The following DZIP1 variants were observed in gnomAD, a reference collection of about 807,000 sequenced individuals.
DZIP1 encodes the protein DAZ interacting zinc finger protein 1.
In DZIP1, 97 loss-of-function variants were observed where a neutral mutation model predicts 107.6. That is an observed-to-expected ratio of 0.90 (90% confidence interval 0.77 to 1.07). The LOEUF (loss-of-function observed/expected upper bound fraction) is 1.07, where lower values mean the gene tolerates loss of function less well. Ranked by LOEUF, DZIP1 falls within the 50% of genes least tolerant of loss-of-function variation. The pLI, the probability that DZIP1 is intolerant of heterozygous loss-of-function variation, is 0.00. For missense variants in DZIP1, 1,035 were observed against 1,063.6 expected, an observed-to-expected ratio of 0.97 and a Z score of 0.37; for synonymous variants, 390 against 386.4, an observed-to-expected ratio of 1.01 and a Z score of -0.11.
chr13:95,596,604 G>A (rs1369054705), intron 15 of DZIP1, among the ~76,000 whole-genome samples: 1 of 152,116 alleles, frequency 6.6e-6, no homozygotes, highest in African/African-American at 2.4e-5. Flanking sequence ...AGAAAACCTG[G>A]ATGTTGTCAC....
At chr13:95,600,131 GC>G (rs769928196) in intron 14 of DZIP1, among the ~76,000 whole-genome samples, 15 of 152,162 alleles carry the variant, frequency 9.9e-5, no homozygotes, top group Non-Finnish European at 1.8e-4. Context: ...AAGGAAGCCT[GC>G]CAGCAGCAGG....
intron 5 of DZIP1, among the ~76,000 whole-genome samples, chr13:95,635,351 C>T (rs1210190817): frequency 6.6e-6 from 1 of 152,034 alleles, no homozygotes; most frequent in Non-Finnish European, 1.5e-5. Context: ...TGCCCGCCAC[C>T]ACTCCCAGCT....
intron 9 of DZIP1, among the ~76,000 whole-genome samples, chr13:95,621,013 C>T (rs116227327): frequency 0.013 from 1,978 of 152,284 alleles, 45 homozygotes; most frequent in African/African-American, 0.045. Context: ...CTGCTCTGCA[C>T]GGGAGGCGAG....
At chr13:95,616,379 G>A (rs1875070109) in intron 10 of DZIP1, among the ~76,000 whole-genome samples, 1 of 152,148 alleles carries the variant, frequency 6.6e-6, no homozygotes, top group Non-Finnish European at 1.5e-5. Flanking sequence ...AAGGCTGAAT[G>A]ATGCCCTAGC....
At position 95,611,939 on chromosome 13, in the gene DZIP1, C is replaced by T. The variant is rs2045021067; in HGVS notation, c.1314+98G>A. 6 of 1,475,582 alleles carry T rather than the reference C, an allele frequency of 4.1e-6. No homozygotes were observed. The East Asian group carries it at 1.4e-4, about 34-fold the overall frequency. The allele number at this position is 1,475,582 out of a possible 1,614,324, so 91.4% of individuals were successfully genotyped here. A position where few individuals can be genotyped will look rare whatever the true frequency, so the allele number is the denominator to read the frequency against. On this transcript the variant is annotated intron_variant, in intron 11 of 22. Transcript: ENST00000376829. Reference sequence around the variant, plus strand: ...GGGGAAAAATATTCCATCTTCCTCACCTTATACCACTTACAAATGCTCTAA... The same window carrying T: ...GGGGAAAAATATTCCATCTTCCTCATCTTATACCACTTACAAATGCTCTAA...
intron 7 of DZIP1, among the ~76,000 whole-genome samples, chr13:95,627,424 A>G (rs1280472223): frequency 6.6e-6 from 1 of 152,254 alleles, no homozygotes; most frequent in Non-Finnish European, 1.5e-5. Context: ...TAAATAACTC[A>G]TACAGCTCAA....
At chr13:95,590,509 A>T in intron 16 of DZIP1, 68 bp from the exon 17 acceptor site, 1 of 1,462,864 alleles carries the variant, frequency 6.8e-7, no homozygotes. Context: ...ATATATCAGC[A>T]TTAACTGTGC....
Position 95,582,266 on chromosome 13 carries a change from C to T in DZIP1, c.2572G>A (p.Val858Met). 1 of 1,614,154 alleles carries T rather than the reference C, an allele frequency of 6.2e-7. No individual in the cohort carries two copies. The highest frequency in any genetic ancestry group is 8.5e-7 in the Non-Finnish European group (1 of 1,179,990). ...TCTGAAGTGTCGCTCCAATCAGTCA[C>T]AGTTACTAAGCTGCTTTTTAATGTG... ...SSTLKSSLVT[V>M]TDWSDTSDV is the part of the protein sequence containing the mutation. Residue 858 changes from valine to methionine, a missense_variant, in exon 23 of 23, where the codon GTG becomes ATG. By Grantham distance (21) the Val-to-Met change is conservative. Coordinates refer to ENST00000376829, the MANE Select transcript of DZIP1 (RefSeq NM_198968.4).
At chr13:95,592,919 C>G (rs1362971192) in intron 16 of DZIP1, among the ~76,000 whole-genome samples, 1 of 152,132 alleles carries the variant, frequency 6.6e-6, no homozygotes, top group Non-Finnish European at 1.5e-5. Flanking sequence ...ACAAGCAAAA[C>G]TAAGTCAGAA....
Position 95,591,057 on chromosome 13 carries a change from C to T in DZIP1, c.1681-616G>A, listed in dbSNP as rs867846545. On this transcript the variant is annotated intron_variant, in intron 16 of 22. Transcript: ENST00000376829. ...TTTTTTTTTTTTCCTGAGACAGAGTCTCGCCCTGTTGCCCAGGCTGGAGTG... is the reference window on the plus strand; with the variant it reads ...TTTTTTTTTTTTCCTGAGACAGAGTTTCGCCCTGTTGCCCAGGCTGGAGTG... Among the ~76,000 whole-genome samples, 6 of 142,574 alleles carry T rather than the reference C, an allele frequency of 4.2e-5. No individual in the cohort carries two copies. The East Asian group carries it at 6.2e-4, about 15-fold the overall frequency. 93.5% of individuals were successfully genotyped at this position (142,574 alleles called of 152,430 possible).
chr13:95,641,665 T>G lies in DZIP1; in HGVS notation c.227A>C (p.Asp76Ala). The G allele has an allele frequency of 1.2e-6, 2 of 1,607,326 alleles. No homozygotes were observed. The highest frequency in any genetic ancestry group is 1.7e-6 in the Non-Finnish European group (2 of 1,179,964). Reference protein sequence around the residue: ...SVDWRRLSAIDVDKVAGAVDV... With the variant: ...SVDWRRLSAIAVDKVAGAVDV... ...CACAGCCCCCGCCACCTTGTCCACG[T>G]CGATGGCGCTCAGCCGCCGCCAGTC... The change falls in exon 5 of 23, where the codon GAC becomes GCC. Residue 76 changes from aspartate (D) to alanine (A), a missense_variant. Transcript: ENST00000376829. The surrounding 1 kb of genome is among the most constrained non-coding windows in gnomAD (Gnocchi z 4.3).
intron 10 of DZIP1, among the ~76,000 whole-genome samples, chr13:95,617,207 A>C (rs80162930): frequency 0.051 from 4,219 of 82,882 alleles, 169 homozygotes; most frequent in African/African-American, 0.12. Context: ...GTCTCACCCC[A>C]AAAAAAAAAG....
intron 16 of DZIP1, among the ~76,000 whole-genome samples, chr13:95,592,945 A>G (rs2044351489): frequency 6.6e-6 from 1 of 152,176 alleles, no homozygotes; most frequent in Non-Finnish European, 1.5e-5. Flanking sequence ...TTTCCCTCCG[A>G]TTGGGAAGTA....
chr13:95,621,724 A>C (rs1311303206), intron 9 of DZIP1, among the ~76,000 whole-genome samples: 1 of 128,342 alleles, frequency 7.8e-6, no homozygotes, highest in Non-Finnish European at 1.7e-5. Flanking sequence ...GTATTTATTT[A>C]TTTATTTTTT....
At position 95,641,560 on chromosome 13, in the gene DZIP1, G is replaced by A; in HGVS notation, c.332C>T (p.Ser111Leu). The A allele has an allele frequency of 1.2e-6, 2 of 1,613,840 alleles. No individual in the cohort carries two copies. The highest frequency in any genetic ancestry group is 1.7e-6 in the Non-Finnish European group (2 of 1,180,042). ...LEDEKCPHCQ[S>L]GVDPVLLKLI... ...CTTCAGCAGCACCGGGTCCACCCCC[G>A]ACTGGCAGTGTGGGCACTTCTCGTC... Residue 111 changes from serine to leucine, a missense_variant, in exon 5 of 23, where the codon TCG (serine) becomes TTG (leucine). Ser to Leu is a moderately radical substitution (Grantham distance 145). Coordinates refer to ENST00000376829, the MANE Select transcript of DZIP1 (RefSeq NM_198968.4). The surrounding 1 kb of genome is among the most constrained non-coding windows in gnomAD (Gnocchi z 4.3).
chr13:95,590,252 C>T lies in DZIP1; in HGVS notation c.1843+27G>A, dbSNP rs11617517. On this transcript the variant is annotated intron_variant, in intron 17 of 22. Transcript: ENST00000376829. ...AAAGAAAAAGTTGTTAAATTAAGCT[C>T]CCATTTGCAGTGGGTAACAAGCTTA... The T allele has an allele frequency of 8.2e-3, 12,635 of 1,540,912 alleles. 65 individuals are homozygous for T. The highest frequency in any genetic ancestry group is 0.014 in the South Asian group (1,062 of 78,448).
intron 13 of DZIP1, among the ~76,000 whole-genome samples, chr13:95,606,299 G>A (rs552842380): frequency 1.3e-5 from 2 of 152,076 alleles, no homozygotes; most frequent in East Asian, 3.9e-4. Flanking sequence ...ATATTCACAG[G>A]GCTGTGCAAA....
chr13:95,601,257 C>G (rs1285351014), intron 14 of DZIP1, among the ~76,000 whole-genome samples: 1 of 152,032 alleles, frequency 6.6e-6, no homozygotes, highest in Non-Finnish European at 1.5e-5. Flanking sequence ...CCCCAGCTCC[C>G]AAAACAAGCA....
At chr13:95,599,297 T>C (rs567216134) in intron 15 of DZIP1, 68 bp downstream of exon 15, 3 of 1,404,606 alleles carry the variant, frequency 2.1e-6, no homozygotes, top group East Asian at 4.6e-5. Context: ...TGGCTCATAT[T>C]TTCCAGGCCT....
Sources: gnomAD v4.1 joint callset for allele counts (sites outside exome capture counted in the v4.1 genomes callset) on GRCh38, gnomAD v4.1.1 for gene constraint, Gnocchi (gnomAD v3.1) non-coding constraint, MANE v1.5 for transcripts, NCBI Gene and HGNC (gene_info 2026-07-23, HGNC 2026-07-21) for gene names.